Variants in STYX observed in about 807,000 individuals in gnomAD.
The protein encoded by STYX is serine/threonine/tyrosine-interacting protein.
In STYX, 20 loss-of-function variants were observed where a neutral mutation model predicts 42.7. The observed-to-expected ratio is 0.47, with a 90% CI of 0.33 to 0.68. The LOEUF is 0.68. STYX is among the 30% of genes least tolerant of loss of function. The pLI is 0.02. For synonymous variants in STYX, 78 were observed against 81.9 expected (o/e 0.95, Z 0.26); for missense variants, 226 against 268.5 (o/e 0.84, Z 1.11).
chr14:52,770,333 T>TA (rs778830864), intron 10 of STYX, among the ~76,000 whole-genome samples: 6 of 152,124 alleles, frequency 3.9e-5, no homozygotes, highest in Non-Finnish European at 8.8e-5. Context: ...CTGTAGGGCA[T>TA]AAGTTTAAGG....
chr14:52,768,815 G>A lies in STYX; in HGVS notation c.505-25G>A, dbSNP rs751484514. Reference sequence around the variant, plus strand: ...TCCAAGAATGTAAATATATAATTAAGTTAATTAACTTATTTTTTTTTTAGG... The same window carrying A: ...TCCAAGAATGTAAATATATAATTAAATTAATTAACTTATTTTTTTTTTAGG... On this transcript the variant is annotated intron_variant, in intron 9 of 10. Coordinates refer to ENST00000354586, the MANE Select transcript of STYX (RefSeq NM_145251.4). 18 of 1,480,010 alleles carry A rather than the reference G, an allele frequency of 1.2e-5. No individual in the cohort carries two copies. In the African/African-American group the frequency reaches 1.3e-4, roughly 11 times the overall value. 91.7% of individuals were successfully genotyped at this position (1,480,010 alleles called of 1,614,324 possible).
intron 4 of STYX, 98 bp from the exon 5 acceptor site, chr14:52,756,453 A>G: frequency 1.4e-6 from 1 of 715,842 alleles, no homozygotes; most frequent in South Asian, 1.8e-5. Flanking sequence ...GTTGTTTTGC[A>G]TTCTTGCCAT....
intron 3 of STYX, 97 bp from the exon 4 acceptor site, chr14:52,750,586 G>C (rs1295207710): frequency 1.3e-6 from 1 of 790,396 alleles, no homozygotes; most frequent in Non-Finnish European, 2.0e-6. Flanking sequence ...TGTGGGTTCT[G>C]TGTATTTTCA....
intron 9 of STYX, among the ~76,000 whole-genome samples, chr14:52,761,485 C>T (rs909899926): frequency 1.3e-5 from 2 of 151,330 alleles, no homozygotes; most frequent in Non-Finnish European, 1.5e-5. Flanking sequence ...TAATAATAAA[C>T]TTATATCACC....
chr14:52,740,276 G>A lies in STYX; in HGVS notation c.58-4576G>A, dbSNP rs574942843. ...AGCCTAGGCGACAGAGCGAGACTCC[G>A]TCTCAAAAAGAAAAAAAAAGTATCT... On this transcript the variant is annotated intron_variant, in intron 1 of 10. Coordinates refer to ENST00000354586, the MANE Select transcript of STYX (RefSeq NM_145251.4). Among the ~76,000 whole-genome samples, 62 of 152,060 alleles carry A rather than the reference G, an allele frequency of 4.1e-4. 1 individual carries two copies. The South Asian group carries it at 0.012, about 28-fold the overall frequency.
chr14:52,739,743 G>A (rs1426614280), intron 1 of STYX, among the ~76,000 whole-genome samples: 2 of 145,610 alleles, frequency 1.4e-5, no homozygotes, highest in East Asian at 4.1e-4. Context: ...CCAAGCCCGA[G>A]TGATCTTCCT....
rs1882627148 is a variant in STYX, at chr14:52,774,156, C to T, written c.*3050C>T. 1 of 152,152 alleles carries T rather than the reference C, an allele frequency of 6.6e-6. No homozygotes were observed. The highest frequency in any genetic ancestry group is 2.4e-5 in the African/African-American group (1 of 41,432). 9.4% of individuals were successfully genotyped at this position (152,152 alleles called of 1,614,324 possible). A position where few individuals can be genotyped will look rare whatever the true frequency, so the allele number is the denominator to read the frequency against. ...ATGATAGCTTTTGCTACCAACTCAACCACTTAACTTTTAGAGCAGTTTTGG... is the reference window on the plus strand; with the variant it reads ...ATGATAGCTTTTGCTACCAACTCAATCACTTAACTTTTAGAGCAGTTTTGG... On this transcript the variant is annotated 3_prime_UTR_variant, in exon 11 of 11. Transcript: ENST00000354586.
chr14:52,736,819 TCTTA>T (rs10529904), intron 1 of STYX, among the ~76,000 whole-genome samples: 73,825 of 151,632 alleles, frequency 0.49, 18,031 homozygotes, highest in Middle Eastern at 0.57. Flanking sequence ...TTAGAAAATA[TCTTA>T]CTTGAGTACT....
chr14:52,738,432 T>C (rs1300499145), intron 1 of STYX, among the ~76,000 whole-genome samples: 2 of 152,220 alleles, frequency 1.3e-5, no homozygotes, highest in Non-Finnish European at 2.9e-5. Flanking sequence ...TGAAGCCTCT[T>C]GTTTTGCTAA....
intron 9 of STYX, among the ~76,000 whole-genome samples, chr14:52,767,152 C>T (rs905487218): frequency 6.6e-6 from 1 of 152,068 alleles, no homozygotes; most frequent in African/African-American, 2.4e-5. Flanking sequence ...GAGCAAAGAC[C>T]TAAAGAGATG....
At chr14:52,760,870 C>T (rs1000109847) in intron 9 of STYX, among the ~76,000 whole-genome samples, 1 of 151,964 alleles carries the variant, frequency 6.6e-6, no homozygotes, top group African/African-American at 2.4e-5. Flanking sequence ...TACAGGCATG[C>T]AATGTGTAAT....
chr14:52,754,975 A>G (rs1881792069), intron 4 of STYX, among the ~76,000 whole-genome samples: 1 of 151,988 alleles, frequency 6.6e-6, no homozygotes, highest in Admixed American at 6.6e-5. Flanking sequence ...CTGAGTTAAC[A>G]TTTTTCCCCT....
chr14:52,758,196 G>A (rs1484752785), intron 8 of STYX, among the ~76,000 whole-genome samples: 2 of 152,188 alleles, frequency 1.3e-5, no homozygotes, highest in Non-Finnish European at 1.5e-5. Context: ...GACCACAAAT[G>A]TTAGTGCTTG....
chr14:52,734,711 G>A lies in STYX; in HGVS notation c.57+4180G>A, dbSNP rs1003201537. Among the ~76,000 whole-genome samples, 97 of 152,116 alleles carry A rather than the reference G, an allele frequency of 6.4e-4. 1 individual carries two copies. Among genetic ancestry groups the A allele is most frequent in the Non-Finnish European group, 2.6e-4 (18 of 68,024 alleles). On this transcript the variant is annotated intron_variant, in intron 1 of 10. Transcript: ENST00000354586. ...AATTCGTTCCGTATTTCTTAATATT[G>A]CATGTTTGGTATCTTTTGGTTGCAA...
intron 1 of STYX, among the ~76,000 whole-genome samples, chr14:52,737,560 A>G (rs1881004584): frequency 6.6e-6 from 1 of 152,244 alleles, no homozygotes; most frequent in African/African-American, 2.4e-5. Context: ...AATTAATTAC[A>G]ATAGTAACTT....
intron 3 of STYX, among the ~76,000 whole-genome samples, chr14:52,747,479 T>C (rs144329805): frequency 1.3e-3 from 193 of 152,284 alleles, no homozygotes; most frequent in African/African-American, 4.5e-3. Context: ...ATCTTGATGA[T>C]TTTTGCTTAG....
intron 9 of STYX, among the ~76,000 whole-genome samples, chr14:52,764,530 A>G (rs1194296718): frequency 1.3e-5 from 2 of 152,046 alleles, no homozygotes; most frequent in African/African-American, 4.8e-5. Context: ...GACAGATACA[A>G]TCTTATCTAT....
intron 1 of STYX, among the ~76,000 whole-genome samples, chr14:52,740,230 C>T (rs1881131620): frequency 2.6e-5 from 4 of 152,064 alleles, no homozygotes; most frequent in Non-Finnish European, 4.4e-5. Context: ...GAGCTGAGAT[C>T]GTGCCACTGC....
chr14:52,744,854 G>A lies in STYX; in HGVS notation c.60G>A (p.Glu20=), dbSNP rs1881332735. The A allele has an allele frequency of 5.0e-6, 8 of 1,613,278 alleles. No homozygotes were observed. Among genetic ancestry groups the A allele is most frequent in the Non-Finnish European group, 6.8e-6 (8 of 1,179,712 alleles). Residue 20 remains glutamate, a splice_region_variant and synonymous_variant, in exon 2 of 11, where the codon GAG becomes GAA. Coordinates refer to ENST00000354586, the MANE Select transcript of STYX (RefSeq NM_145251.4). ...SLPQCKEDAE[E]WTYPMRREMQ... Reference sequence around the variant, plus strand: ...TATTCTTATGTTTTCCTTCCCAGGAGTGGACCTACCCTATGAGACGAGAGA... The same window carrying A: ...TATTCTTATGTTTTCCTTCCCAGGAATGGACCTACCCTATGAGACGAGAGA...
Sources: allele counts gnomAD v4.1 joint callset (sites outside exome capture counted in the v4.1 genomes callset), GRCh38; gene constraint gnomAD v4.1.1; transcripts MANE v1.5; gene names NCBI Gene and HGNC (gene_info 2026-07-23, HGNC 2026-07-21).